SLCO1A2: variants seen among roughly 807,000 people sequenced by gnomAD.
The protein encoded by SLCO1A2 is solute carrier organic anion transporter family member 1A2, also known as OATP-1.
Under a neutral mutation model 69.0 loss-of-function variants are expected in SLCO1A2, and 67 were observed. The observed-to-expected ratio is 0.97, with a 90% confidence interval of 0.80 to 1.19. SLCO1A2 has a LOEUF of 1.19. Ranked by LOEUF, SLCO1A2 falls within the 50% of genes most tolerant of loss-of-function variation. The pLI is 0.00. For synonymous variants in SLCO1A2, 260 were observed against 265.9 expected, an observed-to-expected ratio of 0.98 and a Z score of 0.22; for missense variants, 787 against 793.7, an observed-to-expected ratio of 0.99 and a Z score of 0.10.
chr12:21,357,136 G>T lies in SLCO1A2; in HGVS notation c.-63+17263C>A, dbSNP rs897178501. 3.9e-5 allele frequency among the ~76,000 whole-genome samples: 6 copies of T among 152,248 alleles called. No homozygotes were observed. The East Asian group carries it at 1.2e-3, about 29-fold the overall frequency. On this transcript the variant is annotated intron_variant, in intron 2 of 15. Coordinates refer to the SLCO1A2 transcript ENST00000307378. ...GGGTTGAACTGTGTCCCTGCAAAAT[G>T]CATCTGTTGAAGTCCAAATAGTACC...
intron 2 of SLCO1A2, among the ~76,000 whole-genome samples, chr12:21,359,711 C>G (rs1938668417): frequency 6.6e-6 from 1 of 150,586 alleles, no homozygotes; most frequent in African/African-American, 2.5e-5. Context: ...CGTGCCACTG[C>G]ACTCCAGCCT....
chr12:21,370,544 T>G (rs1358981829), intron 2 of SLCO1A2, among the ~76,000 whole-genome samples: 1 of 146,776 alleles, frequency 6.8e-6, no homozygotes, highest in Non-Finnish European at 1.5e-5. Flanking sequence ...GTGTTCTCAT[T>G]GTTCAATTCC....
intron 2 of SLCO1A2, among the ~76,000 whole-genome samples, chr12:21,360,346 A>C (rs1321956321): frequency 6.6e-6 from 1 of 152,230 alleles, no homozygotes; most frequent in Non-Finnish European, 1.5e-5. Flanking sequence ...GTAAAACGAC[A>C]CCAATATAAA....
chr12:21,408,278 C>T (rs1941854458), intron 1 of SLCO1A2, among the ~76,000 whole-genome samples: 1 of 151,988 alleles, frequency 6.6e-6, no homozygotes, highest in African/African-American at 2.4e-5. Context: ...CATAAAAACA[C>T]ATTCTTTCCT....
chr12:21,358,856 G>A (rs1016960325), intron 2 of SLCO1A2, among the ~76,000 whole-genome samples: 1 of 152,042 alleles, frequency 6.6e-6, no homozygotes, highest in Non-Finnish European at 1.5e-5. Flanking sequence ...GAATAAACAT[G>A]TAATCTATAC....
Position 21,318,824 on chromosome 12 carries a change from G to T in SLCO1A2, c.160C>A (p.Pro54Thr). 1 of 1,610,152 alleles carries T rather than the reference G, an allele frequency of 6.2e-7. No individual in the cohort carries two copies. ...TTAATGAATCCAACTAGAGATGTTG[G>T]GATGTTGAATTGTCTCTCTATTTGT... The part of the protein sequence containing the change: ...LTQIERQFNI[P>T]TSLVGFINGS... Residue 54 changes from proline (P) to threonine (T), a missense_variant, in exon 3 of 15, where the codon CCA becomes ACA. Transcript: ENST00000683939.
chr12:21,288,595 T>C lies in SLCO1A2; in HGVS notation c.1610+3569A>G, dbSNP rs565623470. ...GGAAAGAATGAATTAAACCTACTAT[T>C]TGATAGTGTATTAGAGTGACTATAG... On this transcript the variant is annotated intron_variant, in intron 12 of 14. Transcript: ENST00000683939. 1.4e-4 allele frequency among the ~76,000 whole-genome samples: 22 copies of C among 152,258 alleles called. No individual in the cohort carries two copies. In the South Asian group the frequency reaches 4.2e-3, roughly 29 times the overall value.
At chr12:21,398,974 A>T (rs201002607), upstream of SLCO1A2, among the ~76,000 whole-genome samples, 8,671 of 120,436 alleles carry the variant, frequency 0.072, 8 homozygotes, top group Admixed American at 0.09. Context: ...CAAGACAGGG[A>T]TGCCCTCTCT....
At chr12:21,332,763 C>T (rs1952692616) in intron 2 of SLCO1A2, among the ~76,000 whole-genome samples, 1 of 152,090 alleles carries the variant, frequency 6.6e-6, no homozygotes, top group Non-Finnish European at 1.5e-5. Flanking sequence ...CCACTGAACC[C>T]ATTCATAAAG....
At chr12:21,326,356 T>C (rs757940260) in intron 2 of SLCO1A2, among the ~76,000 whole-genome samples, 2 of 152,028 alleles carry the variant, frequency 1.3e-5, no homozygotes, top group Admixed American at 1.3e-4. Flanking sequence ...TACCCAAAAA[T>C]GTGGAAATGA....
At chr12:21,417,677 T>C (rs1249702502) in intron 1 of SLCO1A2, among the ~76,000 whole-genome samples, 2 of 152,022 alleles carry the variant, frequency 1.3e-5, no homozygotes, top group Non-Finnish European at 2.9e-5. Context: ...ATTAAACCTA[T>C]ATGGAACTAA....
chr12:21,265,118 G>T lies in SLCO1A2; in HGVS notation c.*4430C>A, dbSNP rs538106450. 6.6e-6 allele frequency: 1 copy of T among 152,182 alleles called. No homozygotes were observed. The highest frequency in any genetic ancestry group is 6.5e-5 in the Admixed American group (1 of 15,268). The allele number at this position is 152,182 out of a possible 1,614,324, so 9.4% of individuals were successfully genotyped here. ...AAAATAAAACATCAATTGTATGAGT[G>T]TAATAGACATTCTAGTTCTTCAGCA... On this transcript the variant is annotated 3_prime_UTR_variant, in exon 15 of 15. Coordinates refer to ENST00000683939, the MANE Select transcript of SLCO1A2 (RefSeq NM_001386879.1).
chr12:21,294,370 G>A (rs1947390308), intron 10 of SLCO1A2: 1 of 251,906 alleles, frequency 4.0e-6, no homozygotes, highest in Admixed American at 5.5e-5. Flanking sequence ...CACCTACCAT[G>A]TGGAGTCATG....
At chr12:21,347,314 A>G (rs117276944) in intron 2 of SLCO1A2, among the ~76,000 whole-genome samples, 2,869 of 152,256 alleles carry the variant, frequency 0.019, 36 homozygotes, top group Non-Finnish European at 0.03. Flanking sequence ...AATTTAGAGA[A>G]ACAACAACCA....
chr12:21,403,435 A>G (rs2137195996), intron 1 of SLCO1A2: 1 of 152,268 alleles, frequency 6.6e-6, no homozygotes, highest in South Asian at 2.1e-4. Flanking sequence ...ATTCACCAAC[A>G]TCACCATTCA....
intron 2 of SLCO1A2, among the ~76,000 whole-genome samples, chr12:21,355,591 T>C (rs529184876): frequency 6.6e-6 from 1 of 152,250 alleles, no homozygotes; most frequent in South Asian, 2.1e-4. Context: ...CCCATGGAGC[T>C]AAAGTGATCC....
rs1243202748 is a variant in SLCO1A2 at position 21,299,851 on chromosome 12, C to T, written c.910+497G>A. 4.8e-5 allele frequency among the ~76,000 whole-genome samples: 6 copies of T among 124,458 alleles called. No homozygotes were observed. The South Asian group carries it at 7.4e-4, about 15-fold the overall frequency. The allele number at this position is 124,458 out of a possible 152,430, so 81.6% of individuals were successfully genotyped here. A position where few individuals can be genotyped will look rare whatever the true frequency, so the allele number is the denominator to read the frequency against. On this transcript the variant is annotated intron_variant, in intron 8 of 14. Transcript: ENST00000683939. ...ACACACATATATGTGTATATATATACGTGTATATATATATACGTGTGTGTA... is the reference window on the plus strand; with the variant it reads ...ACACACATATATGTGTATATATATATGTGTATATATATATACGTGTGTGTA...
chr12:21,404,483 G>A (rs1941790036), intron 1 of SLCO1A2, among the ~76,000 whole-genome samples: 1 of 152,044 alleles, frequency 6.6e-6, no homozygotes, highest in African/African-American at 2.4e-5. Flanking sequence ...AGAAACATGT[G>A]GTGTTTAGTT....
rs185894698 is a variant in SLCO1A2 at position 21,295,251 on chromosome 12, A to C, written c.1271+346T>G. 372 of 176,110 alleles carry C rather than the reference A, an allele frequency of 2.1e-3. 1 individual carries two copies. Among genetic ancestry groups the C allele is most frequent in the Non-Finnish European group, 3.5e-3 (291 of 83,904 alleles). 10.9% of individuals were successfully genotyped at this position (176,110 alleles called of 1,614,324 possible). On this transcript the variant is annotated intron_variant, in intron 10 of 14. Coordinates refer to ENST00000683939, the MANE Select transcript of SLCO1A2 (RefSeq NM_001386879.1). ...ACTCTTAGTTTTACTCAGTTATGGG[A>C]GTATAAGATATATGGATAACATATT...
Sources: allele counts gnomAD v4.1 joint callset (sites outside exome capture counted in the v4.1 genomes callset), GRCh38; gene constraint gnomAD v4.1.1; transcripts MANE v1.5; gene names NCBI Gene and HGNC (gene_info 2026-07-23, HGNC 2026-07-21).